NEB: variants seen among roughly 807,000 people sequenced by gnomAD.
The protein encoded by NEB is nemaline myopathy type 2.
In NEB, 512 loss-of-function variants were observed where a neutral mutation model predicts 952.2. That is an observed-to-expected ratio of 0.54 (90% confidence interval 0.50 to 0.58). The LOEUF is 0.58. NEB is among the 20% of genes least tolerant of loss of function. The pLI, the probability that NEB is intolerant of heterozygous loss-of-function variation, is 0.00. For missense variants in NEB, 8,428 were observed against 9,231.1 expected, an observed-to-expected ratio of 0.91 and a Z score of 3.56; for synonymous variants, 2,900 against 3,149.8, an observed-to-expected ratio of 0.92 and a Z score of 2.66.
In NEB at chr2:151,568,625, A is replaced by G. The variant is rs1181510782; in HGVS notation, c.17627T>C (p.Leu5876Pro). 6.2e-7 allele frequency: 1 copy of G among 1,605,744 alleles called. No homozygotes were observed. Among genetic ancestry groups the G allele is most frequent in the Non-Finnish European group, 8.5e-7 (1 of 1,175,260 alleles). Residue 5876 changes from leucine (L) to proline (P), a missense_variant, in exon 111 of 182, where the codon CTC (leucine) becomes CCC (proline). Leu to Pro is a moderately conservative substitution (Grantham distance 98, BLOSUM62 -3). Around this residue, in one of 11 missense-constraint regions of NEB, gnomAD observed 3,374 missense variants for 3,651.5 expected, o/e 0.92. Coordinates refer to ENST00000397345, the MANE Select transcript of NEB (RefSeq NM_001164508.2). The stretch of plus-strand genomic sequence containing the variant: ...AAACAGCCATATACTTACATCATCG[A>G]GGATCTCGCCACTTTGTTTCGCTGT... ...YVTAKQSGEI[L>P]DDIKYRKDWN...
intron 18 of NEB, among the ~76,000 whole-genome samples, chr2:151,695,059 G>A (rs2099586355): frequency 6.6e-6 from 1 of 152,068 alleles, no homozygotes; most frequent in Non-Finnish European, 1.5e-5. Context: ...TAGAATTATT[G>A]AAGAAATTGA....
intron 63 of NEB, among the ~76,000 whole-genome samples, chr2:151,638,785 A>G (rs1272464917): frequency 7.2e-6 from 1 of 139,714 alleles, no homozygotes; most frequent in Non-Finnish European, 1.5e-5. Flanking sequence ...TAATATTTAC[A>G]CTGACAGATA....
intron 168 of NEB, among the ~76,000 whole-genome samples, chr2:151,500,172 A>G (rs1301139878): frequency 2.6e-5 from 4 of 152,220 alleles, no homozygotes; most frequent in Non-Finnish European, 5.9e-5. Flanking sequence ...AAATTGAAGG[A>G]TTGTTAGTGA....
In NEB at chr2:151,659,109, G is replaced by A; in HGVS notation, c.6031C>T (p.Pro2011Ser). 3 of 1,612,942 alleles carry A rather than the reference G, an allele frequency of 1.9e-6. No homozygotes were observed. The highest frequency in any genetic ancestry group is 8.5e-7 in the Non-Finnish European group (1 of 1,179,124). Residue 2011 changes from proline to serine, a missense_variant, in exon 47 of 182, where the codon CCC (proline) becomes TCC (serine). Around this residue, in one of 11 missense-constraint regions of NEB, gnomAD observed 2,851 missense variants for 2,791.5 expected, o/e 1.02. Transcript: ENST00000397345. Reference sequence around the variant, plus strand: ...TTTGCCTTTGCCAAAATAATCTGGGGGATATCAGGCATGATGTGGACTTTG... The same window carrying A: ...TTTGCCTTTGCCAAAATAATCTGGGAGATATCAGGCATGATGTGGACTTTG... The part of the protein sequence containing the change: ...KTKVHIMPDI[P>S]QIILAKANAI...
intron 105 of NEB, among the ~76,000 whole-genome samples, chr2:151,577,632 G>A (rs1160858084): frequency 6.6e-6 from 1 of 152,182 alleles, no homozygotes; most frequent in Non-Finnish European, 1.5e-5. Flanking sequence ...CCAGGCTGGA[G>A]TGCAGTGGCA....
Position 151,553,877 on chromosome 2 carries a change from T to C in NEB, c.19577A>G (p.Asp6526Gly), listed in dbSNP as rs772953198. Residue 6526 changes from aspartate to glycine, a missense_variant, in exon 126 of 182, where the codon GAC becomes GGC. By Grantham distance (94) the Asp-to-Gly change is moderately conservative. Coordinates refer to ENST00000397345, the MANE Select transcript of NEB (RefSeq NM_001164508.2). ...CCTGACGTGATCATTGACTTGCAAG[T>C]CGGGGTGGCAAATCCATTCGTGGAG... The part of the protein sequence containing the change: ...LRLHEWICHP[D>G]LQVNDHVRKV... 1.9e-6 allele frequency: 3 copies of C among 1,613,690 alleles called. No homozygotes were observed. The highest frequency in any genetic ancestry group is 2.5e-6 in the Non-Finnish European group (3 of 1,179,728).
intron 168 of NEB, among the ~76,000 whole-genome samples, chr2:151,499,998 A>G (rs1398854208): frequency 2.6e-5 from 4 of 152,348 alleles, no homozygotes; most frequent in African/African-American, 9.6e-5. Context: ...GGTTTCAAAT[A>G]GATACAAATA....
At chr2:151,727,627 G>A (rs1447378378) in intron 5 of NEB, 64 bp downstream of exon 5, 17 of 1,481,022 alleles carry the variant, frequency 1.1e-5, no homozygotes, top group East Asian at 9.2e-5. Flanking sequence ...CCAAAACAGA[G>A]TGAGTTGAGA....
intron 32 of NEB, among the ~76,000 whole-genome samples, chr2:151,678,537 A>G (rs1160235126): frequency 6.6e-6 from 1 of 152,254 alleles, no homozygotes; most frequent in African/African-American, 2.4e-5. Flanking sequence ...AATCTCTACC[A>G]ATTACATTGT....
At position 151,538,020 on chromosome 2, in the gene NEB, T is replaced by G. The variant is rs3732310; in HGVS notation, c.20998-44A>C. ...AGACAGCTGTAAGTCTTACCCAAAG[T>G]TAATGTAAATATGGCTTCTTTCTGG... On this transcript the variant is annotated intron_variant, in intron 139 of 181. Transcript: ENST00000397345. 941,153 of 1,556,572 alleles carry G rather than the reference T, an allele frequency of 0.6. 289,134 individuals carry two copies. The highest frequency in any genetic ancestry group is 0.71 in the Admixed American group (41,784 of 58,840).
rs377602828 is a variant in NEB, at chr2:151,643,986, C to A, written c.7788G>T (p.Trp2596Cys). ...DREYKKDFEK[W>C]KTKFSSPVDM... Reference sequence around the variant, plus strand: ...CCACTGGGCTGCTGAACTTGGTCTTCCACTTCTCAAAGTCCTTCTTGTACT... The same window carrying A: ...CCACTGGGCTGCTGAACTTGGTCTTACACTTCTCAAAGTCCTTCTTGTACT... Residue 2596 changes from tryptophan (W) to cysteine (C), a missense_variant, in exon 57 of 182, where the codon TGG (tryptophan) becomes TGT (cysteine). Coordinates refer to ENST00000397345, the MANE Select transcript of NEB (RefSeq NM_001164508.2). 5.6e-6 allele frequency: 9 copies of A among 1,613,826 alleles called. No homozygotes were observed. The highest frequency in any genetic ancestry group is 1.7e-5 in the Admixed American group (1 of 59,990).
intron 28 of NEB, 52 bp from the exon 29 acceptor site, chr2:151,682,821 G>A: frequency 6.8e-7 from 1 of 1,466,090 alleles, no homozygotes; most frequent in South Asian, 1.2e-5. Context: ...TCCTCATTAT[G>A]TAAAATCATC....
Position 151,665,548 on chromosome 2 carries a change from T to C in NEB, c.5032-9A>G, listed in dbSNP as rs1274542788. On this transcript the variant is annotated splice_polypyrimidine_tract_variant and intron_variant, in intron 41 of 181. Transcript: ENST00000397345. ...TCAGATTTGTACAGATTCTTTACAATGAGAAAAAAAATTTCATTTCAGAAA... is the reference window on the plus strand; with the variant it reads ...TCAGATTTGTACAGATTCTTTACAACGAGAAAAAAAATTTCATTTCAGAAA... 11 of 1,552,552 alleles carry C rather than the reference T, an allele frequency of 7.1e-6. No homozygotes were observed. In the Admixed American group the frequency reaches 1.6e-4, roughly 22 times the overall value.
At chr2:151,716,902 C>T (rs2099760703) in intron 10 of NEB, among the ~76,000 whole-genome samples, 1 of 152,240 alleles carries the variant, frequency 6.6e-6, no homozygotes, top group Non-Finnish European at 1.5e-5. Context: ...GAGCCACATT[C>T]CTCAGAGCTA....
intron 119 of NEB, 113 bp downstream of exon 119, chr2:151,563,493 C>T (rs1001864020): frequency 1.1e-5 from 10 of 889,404 alleles, no homozygotes; most frequent in Admixed American, 3.5e-5. Flanking sequence ...AGGAAGGACC[C>T]TACGCTACTC....
In NEB at chr2:151,640,600, C is replaced by T; in HGVS notation, c.8440G>A (p.Asp2814Asn). 1 of 1,613,918 alleles carries T rather than the reference C, an allele frequency of 6.2e-7. No homozygotes were observed. Among genetic ancestry groups the T allele is most frequent in the Non-Finnish European group, 8.5e-7 (1 of 1,179,860 alleles). The change falls in exon 61 of 182, where the codon GAC becomes AAC. Residue 2814 changes from aspartate to asparagine, a missense_variant. Asp to Asn is a conservative substitution (Grantham distance 23, BLOSUM62 1). Transcript: ENST00000397345. ...TGCATGGACCACATCATCTTGGGGT[C>T]ATCACGTATAGCTCGGGCACCAATG... is the stretch of plus-strand genomic sequence containing the variant. Reference protein sequence around the residue: ...HHIGARAIRDDPKMMWSMHVA... With the variant: ...HHIGARAIRDNPKMMWSMHVA...
intron 71 of NEB, among the ~76,000 whole-genome samples, chr2:151,623,297 G>A (rs1350374636): frequency 6.6e-6 from 1 of 152,066 alleles, no homozygotes; most frequent in African/African-American, 2.4e-5. Flanking sequence ...TAGAAATAAT[G>A]CATGGCTTTA....
Position 151,642,688 on chromosome 2 carries a change from T to C in NEB, c.8266-7A>G, listed in dbSNP as rs767688886. ...GGCCAAGCTTATACAATTTCTAAAA[T>C]AGACATTAATAGTAAGTTGGATTTA... On this transcript the variant is annotated splice_polypyrimidine_tract_variant and splice_region_variant and intron_variant, in intron 59 of 181. Transcript: ENST00000397345. 6.8e-6 allele frequency: 11 copies of C among 1,612,646 alleles called. No homozygotes were observed. The highest frequency in any genetic ancestry group is 2.2e-5 in the East Asian group (1 of 44,840).
At chr2:151,694,260 TTA>T (rs1295036626) in intron 20 of NEB, 61 bp downstream of exon 20, 4 of 1,366,328 alleles carry the variant, frequency 2.9e-6, no homozygotes, top group Non-Finnish European at 4.2e-6. Flanking sequence ...CCATCCAAGG[TTA>T]TATTAAACAG....
Sources: allele counts gnomAD v4.1 joint callset (sites outside exome capture counted in the v4.1 genomes callset), GRCh38; gene constraint gnomAD v4.1.1; regional missense constraint gnomAD v4.1.1; transcripts MANE v1.5; gene names NCBI Gene and HGNC (gene_info 2026-07-23, HGNC 2026-07-21).